NES: variants seen among roughly 807,000 people sequenced by gnomAD.
NES encodes nestin.
In NES, 27 loss-of-function variants were observed where a neutral mutation model predicts 35.6. That is an observed-to-expected ratio of 0.76 (90% confidence interval 0.56 to 1.04). The LOEUF is 1.04. Ranked by LOEUF, NES falls within the 50% of genes least tolerant of loss-of-function variation. NES has a pLI of 0.00. For missense variants in NES, 1,867 were observed against 1,983.6 expected, an observed-to-expected ratio of 0.94 and a Z score of 1.12; for synonymous variants, 822 against 824.2, an observed-to-expected ratio of 1.00 and a Z score of 0.04.
Position 156,670,955 on chromosome 1 carries a change from G to T in NES, c.3233C>A (p.Ala1078Asp), listed in dbSNP as rs1250665344. ...TGACCCCAACATGACCTCTGGGGAG[G>T]CTTGGTCACCCCCTGGGGCCACATC... is the stretch of plus-strand genomic sequence containing the variant. ...EDDVAPGGDQ[A>D]SPEVMLGSEP... The change falls in exon 4 of 4, where the codon GCC becomes GAC. Residue 1078 changes from alanine to aspartate, a missense_variant. Transcript: ENST00000368223. The T allele has an allele frequency of 5.0e-6, 8 of 1,612,408 alleles. No homozygotes were observed. Among genetic ancestry groups the T allele is most frequent in the South Asian group, 3.3e-5 (3 of 90,988 alleles).
chr1:156,676,071 G>A lies in NES; in HGVS notation c.783+411C>T, dbSNP rs1184318181. Among the ~76,000 whole-genome samples, 1 of 152,264 alleles carries A rather than the reference G, an allele frequency of 6.6e-6. No homozygotes were observed. Among genetic ancestry groups the A allele is most frequent in the Non-Finnish European group, 1.5e-5 (1 of 68,044 alleles). On this transcript the variant is annotated intron_variant, in intron 1 of 3. Transcript: ENST00000368223. The surrounding 1 kb of genome is among the most constrained non-coding windows in gnomAD (Gnocchi z 5.3). Reference sequence around the variant, plus strand: ...TCACGGCCCCTCACTCCTCCCCTCAGGAGAAGGAGGGCTGTGAGGAACTTG... The same window carrying A: ...TCACGGCCCCTCACTCCTCCCCTCAAGAGAAGGAGGGCTGTGAGGAACTTG...
rs754050728 is a variant in NES at position 156,670,128 on chromosome 1, C to A, written c.4060G>T (p.Glu1354Ter). 6.2e-7 allele frequency: 1 copy of A among 1,613,928 alleles called. No homozygotes were observed. Among genetic ancestry groups the A allele is most frequent in the African/African-American group, 1.3e-5 (1 of 74,918 alleles). ...APPSEKEEGEEGEEECGRDSD... is the reference protein window; with the variant it reads ...APPSEKEEGE ...TCACGGCCACACTCCTCTTCTCCCT[C>A]CTCCCCCTCCTCCTTTTCTGAGGGT... The change falls in exon 4 of 4, where the codon GAG (glutamate) becomes TAG (stop). Residue 1354 changes from glutamate to a stop codon, truncating the protein, a stop_gained. Transcript: ENST00000368223. LOFTEE classifies it low-confidence loss of function (END_TRUNC).
In NES at chr1:156,672,525, C is replaced by G. The variant is rs1481527824; in HGVS notation, c.1663G>C (p.Glu555Gln). The change falls in exon 4 of 4, where the codon GAG (glutamate) becomes CAG (glutamine). Residue 555 changes from glutamate (E) to glutamine (Q), a missense_variant. Transcript: ENST00000368223. ...TLKSLGEEIQ[E>Q]SLKTLENQSH... ...TGGTTTTCCAGAGTCTTCAGTGACTCTTGAATCTCCTCTCCCAGAGACTTC... is the reference window on the plus strand; with the variant it reads ...TGGTTTTCCAGAGTCTTCAGTGACTGTTGAATCTCCTCTCCCAGAGACTTC... The G allele has an allele frequency of 6.2e-7, 1 of 1,613,896 alleles. No homozygotes were observed. The highest frequency in any genetic ancestry group is 2.2e-5 in the East Asian group (1 of 44,890).
Position 156,670,859 on chromosome 1 carries a change from T to TCCCCCCCCCCCCCCCCCCCCCA in NES, c.3328_3329insTGGGGGGGGGGGGGGGGGGGGG (p.Asp1110ValfsTer39). 2.5e-6 allele frequency: 4 copies of TCCCCCCCCCCCCCCCCCCCCCA among 1,609,316 alleles called. No individual in the cohort carries two copies. Among genetic ancestry groups the TCCCCCCCCCCCCCCCCCCCCCA allele is most frequent in the Non-Finnish European group, 3.4e-6 (4 of 1,176,916 alleles). On this transcript the variant is annotated frameshift_variant, in exon 4 of 4. Coordinates refer to ENST00000368223, the MANE Select transcript of NES (RefSeq NM_006617.2). LOFTEE classifies it low-confidence loss of function (END_TRUNC). ...CTCTTCCCTGGTCAGATGGCCTGGG[T>TCCCCCCCCCCCCCCCCCCCCCA]CCCCCAGCCCTCCCACCCCCTGCCC...
Position 156,669,168 on chromosome 1 carries a change from C to G in NES, c.*154G>C, listed in dbSNP as rs891153568. Reference sequence around the variant, plus strand: ...TTGGAGTAGGCTCCTTTGCCACACCCCTTTTCACCTTAGCGGGCCAGGCCT... The same window carrying G: ...TTGGAGTAGGCTCCTTTGCCACACCGCTTTTCACCTTAGCGGGCCAGGCCT... On this transcript the variant is annotated 3_prime_UTR_variant, in exon 4 of 4. Transcript: ENST00000368223. 1.3e-5 allele frequency: 7 copies of G among 526,958 alleles called. No homozygotes were observed. The South Asian group carries it at 2.0e-4, about 15-fold the overall frequency. The allele number at this position is 526,958 out of a possible 1,614,324, so 32.6% of individuals were successfully genotyped here. A position where few individuals can be genotyped will look rare whatever the true frequency, so the allele number is the denominator to read the frequency against.
chr1:156,672,952 G>C lies in NES; in HGVS notation c.1236C>G (p.Leu412=), dbSNP rs6696672. Residue 412 remains leucine (L), a synonymous_variant, in exon 4 of 4, where the codon CTC becomes CTG. Transcript: ENST00000368223. ...DAEIRAQDAP[L]SLLQTQGGRK... Reference sequence around the variant, plus strand: ...TCCCACCCTGTGTCTGGAGCAGAGAGAGAGGAGCATCCTGGGCTCTGATCT... The same window carrying C: ...TCCCACCCTGTGTCTGGAGCAGAGACAGAGGAGCATCCTGGGCTCTGATCT... 5.2e-3 allele frequency: 8,392 copies of C among 1,614,096 alleles called. 363 individuals are homozygous for C. The African/African-American group carries it at 0.096, about 18-fold the overall frequency.
chr1:156,669,217 G>A lies in NES; in HGVS notation c.*105C>T. ...CTCTCAGCCAGAAACCATATGTCAAGAGATCGTAAGTTAAGAGTGCTGCTC... is the reference window on the plus strand; with the variant it reads ...CTCTCAGCCAGAAACCATATGTCAAAAGATCGTAAGTTAAGAGTGCTGCTC... On this transcript the variant is annotated 3_prime_UTR_variant, in exon 4 of 4. Transcript: ENST00000368223. 2 of 750,940 alleles carry A rather than the reference G, an allele frequency of 2.7e-6. No homozygotes were observed. The highest frequency in any genetic ancestry group is 2.6e-5 in the East Asian group (1 of 37,852). 46.5% of individuals were successfully genotyped at this position (750,940 alleles called of 1,614,324 possible).
intron 2 of NES, 143 bp downstream of exon 2, chr1:156,675,073 T>C: frequency 1.9e-6 from 2 of 1,031,148 alleles, no homozygotes; most frequent in South Asian, 1.7e-5. Flanking sequence ...TGTTCCGGTG[T>C]GGAAGTGACC....
At chr1:156,675,722 C>A (rs1180127530) in intron 1 of NES, among the ~76,000 whole-genome samples, 1 of 152,160 alleles carries the variant, frequency 6.6e-6, no homozygotes, top group Non-Finnish European at 1.5e-5. Flanking sequence ...AACGATTAAT[C>A]AAGATGCCTG....
Position 156,672,764 on chromosome 1 carries a change from G to T in NES, c.1424C>A (p.Ser475Tyr). The T allele has an allele frequency of 6.2e-7, 1 of 1,613,492 alleles. No individual in the cohort carries two copies. Among genetic ancestry groups the T allele is most frequent in the Non-Finnish European group, 8.5e-7 (1 of 1,180,038 alleles). Reference sequence around the variant, plus strand: ...TTCTCCATCCTTAGCCTCTAAACTGGAGTGGTCAGGGCTGAGGGGTGGTGC... The same window carrying T: ...TTCTCCATCCTTAGCCTCTAAACTGTAGTGGTCAGGGCTGAGGGGTGGTGC... ...SLAPPLSPDH[S>Y]SLEAKDGESG... is the part of the protein sequence containing the mutation. The change falls in exon 4 of 4, where the codon TCC (serine) becomes TAC (tyrosine). Residue 475 changes from serine to tyrosine, a missense_variant. Coordinates refer to ENST00000368223, the MANE Select transcript of NES (RefSeq NM_006617.2).
At position 156,669,978 on chromosome 1, in the gene NES, C is replaced by G; in HGVS notation, c.4210G>C (p.Asp1404His). ...AACCCATCGGACTCCCCATCTCGAT[C>G]CCAGGCTGCAGGATCCAGTAGCAGC... is the stretch of plus-strand genomic sequence containing the variant. ...PQLLLDPAAW[D>H]RDGESDGFAD... is the part of the protein sequence containing the mutation. The change falls in exon 4 of 4, where the codon GAT (aspartate) becomes CAT (histidine). Residue 1404 changes from aspartate (D) to histidine (H), a missense_variant. Asp to His is a moderately conservative substitution (Grantham distance 81, BLOSUM62 -1). Transcript: ENST00000368223. 5.6e-6 allele frequency: 9 copies of G among 1,613,752 alleles called. No individual in the cohort carries two copies. The highest frequency in any genetic ancestry group is 5.9e-6 in the Non-Finnish European group (7 of 1,179,922).
Position 156,670,527 on chromosome 1 carries a change from G to C in NES, c.3661C>G (p.Pro1221Ala). The part of the protein sequence containing the change: ...EEDVPPVLVS[P>A]SPTYTPILED... ...AGGATCGGGGTGTACGTTGGGCTGGGGGAGACCAGCACTGGTGGTACATCC... is the reference window on the plus strand; with the variant it reads ...AGGATCGGGGTGTACGTTGGGCTGGCGGAGACCAGCACTGGTGGTACATCC... Residue 1221 changes from proline (P) to alanine (A), a missense_variant, in exon 4 of 4, where the codon CCC (proline) becomes GCC (alanine). Pro to Ala is a conservative substitution (Grantham distance 27). Transcript: ENST00000368223. 1 of 1,605,748 alleles carries C rather than the reference G, an allele frequency of 6.2e-7. No homozygotes were observed. Among genetic ancestry groups the C allele is most frequent in the Non-Finnish European group, 8.5e-7 (1 of 1,174,320 alleles).
Position 156,670,859 on chromosome 1 carries a change from T to TCCCCCCCCCCCACCCCCCCCCCCCCCC in NES, c.3328_3329insGGGGGGGGGGGGGGGTGGGGGGGGGGG (p.Gly1109_Asp1110insGlyGlyGlyGlyGlyValGlyGlyGly). On this transcript the variant is annotated inframe_insertion, in exon 4 of 4. Coordinates refer to ENST00000368223, the MANE Select transcript of NES (RefSeq NM_006617.2). ...CTCTTCCCTGGTCAGATGGCCTGGG[T>TCCCCCCCCCCCACCCCCCCCCCCCCCC]CCCCCAGCCCTCCCACCCCCTGCCC... is the stretch of plus-strand genomic sequence containing the variant. The TCCCCCCCCCCCACCCCCCCCCCCCCCC allele has an allele frequency of 3.1e-6, 5 of 1,609,278 alleles. No homozygotes were observed. The highest frequency in any genetic ancestry group is 2.5e-6 in the Non-Finnish European group (3 of 1,176,900).
chr1:156,671,532 C>G lies in NES; in HGVS notation c.2656G>C (p.Glu886Gln). Residue 886 changes from glutamate to glutamine, a missense_variant, in exon 4 of 4, where the codon GAG becomes CAG. Coordinates refer to ENST00000368223, the MANE Select transcript of NES (RefSeq NM_006617.2). The part of the protein sequence containing the change: ...VNQETFRLLE[E>Q]ENQESLRSLG... ...GATCTCAATGATTCCTGATTCTCCTCTTCCAGGAGTCTGAATGTCTCTTGG... is the reference window on the plus strand; with the variant it reads ...GATCTCAATGATTCCTGATTCTCCTGTTCCAGGAGTCTGAATGTCTCTTGG... 6.2e-7 allele frequency: 1 copy of G among 1,613,974 alleles called. No individual in the cohort carries two copies.
Position 156,672,812 on chromosome 1 carries a change from G to T in NES, c.1376C>A (p.Ser459Tyr), listed in dbSNP as rs769899001. 5.0e-6 allele frequency: 8 copies of T among 1,613,644 alleles called. No homozygotes were observed. The South Asian group carries it at 8.8e-5, about 18-fold the overall frequency. Residue 459 changes from serine (S) to tyrosine (Y), a missense_variant, in exon 4 of 4, where the codon TCC (serine) becomes TAC (tyrosine). Physicochemically the swap from Ser to Tyr is moderately radical, Grantham distance 144 (BLOSUM62 -2). Coordinates refer to ENST00000368223, the MANE Select transcript of NES (RefSeq NM_006617.2). Reference protein sequence around the residue: ...GQRQEASTGQSPEDHASLAPP... With the variant: ...GQRQEASTGQYPEDHASLAPP... ...TGCCAAGGAGGCATGGTCCTCTGGG[G>T]ACTGGCCTGTACTGGCCTCTTGCCG...
At position 156,676,059 on chromosome 1, in the gene NES, C is replaced by A. The variant is rs527828954; in HGVS notation, c.783+423G>T. ...GTAGCCATTCATTCACGGCCCCTCA[C>A]TCCTCCCCTCAGGAGAAGGAGGGCT... On this transcript the variant is annotated intron_variant, in intron 1 of 3. Transcript: ENST00000368223. The surrounding 1 kb of genome is among the most constrained non-coding windows in gnomAD (Gnocchi z 5.3). Among the ~76,000 whole-genome samples, 7 of 152,402 alleles carry A rather than the reference C, an allele frequency of 4.6e-5. No individual in the cohort carries two copies. Among genetic ancestry groups the A allele is most frequent in the African/African-American group, 1.7e-4 (7 of 41,600 alleles).
rs1647237403 is a variant in NES at position 156,675,282 on chromosome 1, A to G, written c.842T>C (p.Val281Ala). 1 of 1,613,496 alleles carries G rather than the reference A, an allele frequency of 6.2e-7. No individual in the cohort carries two copies. Among genetic ancestry groups the G allele is most frequent in the Non-Finnish European group, 8.5e-7 (1 of 1,179,802 alleles). ...CGCCAGCTGCTGCCGACCTTCCAGG[A>G]CCTGAGCGATCTGGCTCTGTAGGCC... ...KQGLQSQIAQ[V>A]LEGRQQLAHL... Residue 281 changes from valine (V) to alanine (A), a missense_variant, in exon 2 of 4, where the codon GTC becomes GCC. Transcript: ENST00000368223.
rs533349813 is a variant in NES, at chr1:156,671,579, G to T, written c.2609C>A (p.Pro870Gln). 1.2e-6 allele frequency: 2 copies of T among 1,613,854 alleles called. No homozygotes were observed. The highest frequency in any genetic ancestry group is 2.2e-5 in the South Asian group (2 of 91,074). The change falls in exon 4 of 4, where the codon CCA becomes CAA. Residue 870 changes from proline (P) to glutamine (Q), a missense_variant. Coordinates refer to ENST00000368223, the MANE Select transcript of NES (RefSeq NM_006617.2). ...TTGGTTCACTTCCACAGACTCCAGT[G>T]GTTCTTGAATTTCCTTTTCTAGAGG... The part of the protein sequence containing the change: ...MNPLEKEIQE[P>Q]LESVEVNQET...
Position 156,669,873 on chromosome 1 carries a change from GC to G in NES, c.4314del (p.Pro1439GlnfsTer11). The G allele has an allele frequency of 6.2e-7, 1 of 1,613,292 alleles. No homozygotes were observed. The highest frequency in any genetic ancestry group is 1.1e-5 in the South Asian group (1 of 91,026). On this transcript the variant is annotated frameshift_variant, in exon 4 of 4. Coordinates refer to ENST00000368223, the MANE Select transcript of NES (RefSeq NM_006617.2). LOFTEE classifies it low-confidence loss of function (END_TRUNC). ...TGGAGGCTGCCAACAGAAGACCCTG[GC>G]CCCCACCGCCCAGCCCCTGGCTCCC... ...EGREPGAGRWGPGSSVGSLQA... is the reference protein window; with the variant it reads ...EGREPGAGRWXPGSSVGSLQA...
Sources: allele counts gnomAD v4.1 joint callset (sites outside exome capture counted in the v4.1 genomes callset), GRCh38; gene constraint gnomAD v4.1.1; non-coding constraint Gnocchi (gnomAD v3.1); transcripts MANE v1.5; gene names NCBI Gene and HGNC (gene_info 2026-07-23, HGNC 2026-07-21).